The following CREBRF variants were observed in gnomAD, a reference collection of about 807,000 sequenced individuals.
CREBRF encodes the protein UPF0474 protein C5orf41.
A neutral mutation model predicts 66.1 loss-of-function variants in CREBRF; 5 were observed. The observed-to-expected ratio is 0.08, with a 90% confidence interval of 0.04 to 0.16. The LOEUF (loss-of-function observed/expected upper bound fraction) is 0.16, where lower values mean the gene tolerates loss of function less well. Among genes scored for constraint, CREBRF ranks in the 10% least tolerant of loss-of-function variants. The pLI, the probability that CREBRF is intolerant of heterozygous loss-of-function variation, is 1.00. For synonymous variants in CREBRF, 229 were observed against 264.4 expected (o/e 0.87, Z 1.30); for missense variants, 531 against 744.9 (o/e 0.71, Z 3.34).
chr5:173,095,549 G>A (rs993950150), intron 4 of CREBRF, among the ~76,000 whole-genome samples: 3 of 151,994 alleles, frequency 2.0e-5, no homozygotes, highest in Admixed American at 1.3e-4. Flanking sequence ...CTCCAGTTTT[G>A]TTTTTCTTAC....
intron 1 of CREBRF, among the ~76,000 whole-genome samples, chr5:173,079,726 T>A (rs1251474947): frequency 1.3e-5 from 2 of 152,214 alleles, no homozygotes; most frequent in African/African-American, 4.8e-5. Context: ...TTCTTCATTT[T>A]AAACAAATTT....
chr5:173,104,193 A>C (rs796593372), intron 4 of CREBRF, among the ~76,000 whole-genome samples: 8 of 152,350 alleles, frequency 5.3e-5, no homozygotes, highest in African/African-American at 1.9e-4. Context: ...TGATTTGGCA[A>C]GAGAGATATG....
intron 4 of CREBRF, among the ~76,000 whole-genome samples, chr5:173,102,255 T>G (rs1758646169): frequency 6.6e-6 from 1 of 152,230 alleles, no homozygotes. Flanking sequence ...ATTTTCTTCC[T>G]TTGCTAGTGT....
intron 8 of CREBRF, among the ~76,000 whole-genome samples, chr5:173,132,359 T>C (rs1759450470): frequency 6.7e-6 from 1 of 148,962 alleles, no homozygotes; most frequent in African/African-American, 2.5e-5. Context: ...AGCGTTGGTA[T>C]TACAGGCGTG....
At chr5:173,112,448 G>A (rs1758893686) in intron 7 of CREBRF, 69 bp downstream of exon 7, 1 of 1,145,282 alleles carries the variant, frequency 8.7e-7, no homozygotes, top group East Asian at 2.5e-5. Flanking sequence ...CTTTTCTTTG[G>A]TTTGTGATTT....
intron 1 of CREBRF, among the ~76,000 whole-genome samples, chr5:173,060,065 T>C (rs1757220833): frequency 6.6e-6 from 1 of 152,166 alleles, no homozygotes; most frequent in South Asian, 2.1e-4. Flanking sequence ...TGGTGGTGGT[T>C]AAATACAAGT....
chr5:173,133,875 A>G lies in CREBRF; in HGVS notation c.*130A>G. 1 of 535,182 alleles carries G rather than the reference A, an allele frequency of 1.9e-6. No homozygotes were observed. The highest frequency in any genetic ancestry group is 2.6e-5 in the South Asian group (1 of 38,140). The allele number at this position is 535,182 out of a possible 1,614,324, so 33.2% of individuals were successfully genotyped here. On this transcript the variant is annotated 3_prime_UTR_variant, in exon 9 of 9. Coordinates refer to ENST00000296953, the MANE Select transcript of CREBRF (RefSeq NM_153607.3). ...ACAATTAGGTTACATTGTTTTAAGA[A>G]CTAAGTAGCATAAGTGAAGCATGAT...
intron 4 of CREBRF, among the ~76,000 whole-genome samples, chr5:173,097,205 GA>G (rs1364528206): frequency 6.6e-6 from 1 of 152,140 alleles, no homozygotes; most frequent in Non-Finnish European, 1.5e-5. Context: ...ATATTTGGTA[GA>G]ATTTACTAGT....
At chr5:173,088,255 CTTTTTTTTTTTT>C (rs536962764) in intron 3 of CREBRF, among the ~76,000 whole-genome samples, 3 of 66,864 alleles carry the variant, frequency 4.5e-5, no homozygotes, top group East Asian at 5.2e-4. Context: ...CAAATACATT[CTTTTTTTTTTTT>C]TTTTTTTTTT....
At chr5:173,092,105 A>T in intron 4 of CREBRF, 1 of 807,754 alleles carries the variant, frequency 1.2e-6, no homozygotes, top group Non-Finnish European at 1.5e-6. Context: ...AATAATAAAT[A>T]AAAATATTAC....
At chr5:173,099,638 C>T (rs919905417) in intron 4 of CREBRF, among the ~76,000 whole-genome samples, 3 of 152,078 alleles carry the variant, frequency 2.0e-5, no homozygotes, top group African/African-American at 7.2e-5. Flanking sequence ...CTCTCTTGCT[C>T]TCTTCCTCTG....
chr5:173,120,695 T>C (rs1212981752), intron 7 of CREBRF, among the ~76,000 whole-genome samples: 1 of 126,168 alleles, frequency 7.9e-6, no homozygotes, highest in Non-Finnish European at 1.7e-5. Flanking sequence ...TTTTTTTTTT[T>C]TTTTTTTTTT....
Position 173,129,857 on chromosome 5 carries a change from C to T in CREBRF, c.1805-3773C>T, listed in dbSNP as rs557567880. On this transcript the variant is annotated intron_variant, in intron 8 of 8. Coordinates refer to ENST00000296953, the MANE Select transcript of CREBRF (RefSeq NM_153607.3). ...GTTTTTTGTTTTTGAGACAGAGTCT[C>T]GCTCTGTCGCCCAGACTGGAGTGTA... Among the ~76,000 whole-genome samples the T allele has an allele frequency of 8.6e-5, 13 of 152,036 alleles. No individual in the cohort carries two copies. The East Asian group carries it at 1.2e-3, about 14-fold the overall frequency.
intron 6 of CREBRF, among the ~76,000 whole-genome samples, chr5:173,111,689 T>A (rs1283817101): frequency 6.6e-6 from 1 of 152,228 alleles, no homozygotes; most frequent in Non-Finnish European, 1.5e-5. Context: ...GCCTCCAGTT[T>A]TTGGCAATTT....
intron 1 of CREBRF, among the ~76,000 whole-genome samples, chr5:173,072,722 T>C (rs1378830320): frequency 6.6e-6 from 1 of 151,894 alleles, no homozygotes; most frequent in Non-Finnish European, 1.5e-5. Context: ...AGAATAATTT[T>C]AAAATGGGGC....
chr5:173,112,090 G>A (rs1758883481), intron 6 of CREBRF, among the ~76,000 whole-genome samples: 1 of 152,072 alleles, frequency 6.6e-6, no homozygotes, highest in Non-Finnish European at 1.5e-5. Flanking sequence ...ATTAGAAAAT[G>A]AAAGATGAAA....
At chr5:173,122,964 T>C in intron 7 of CREBRF, 116 bp from the exon 8 acceptor site, 3 of 915,564 alleles carry the variant, frequency 3.3e-6, no homozygotes, top group Non-Finnish European at 1.6e-6. Flanking sequence ...TTCCATGGTG[T>C]ATATGTGCCA....
chr5:173,122,321 G>A (rs113175054), intron 7 of CREBRF, among the ~76,000 whole-genome samples: 3 of 152,184 alleles, frequency 2.0e-5, no homozygotes, highest in Admixed American at 1.3e-4. Context: ...GGCTGGTCTC[G>A]AACTCCTGAC....
rs753152974 is a variant in CREBRF, at chr5:173,091,044, G to A, written c.865G>A (p.Ala289Thr). 43 of 1,613,988 alleles carry A rather than the reference G, an allele frequency of 2.7e-5. No homozygotes were observed. The highest frequency in any genetic ancestry group is 3.1e-5 in the Non-Finnish European group (37 of 1,180,036). Residue 289 changes from alanine to threonine, a missense_variant, in exon 4 of 9, where the codon GCT becomes ACT. By Grantham distance (58) the Ala-to-Thr change is moderately conservative. Around this residue, in one of 5 missense-constraint regions of CREBRF, gnomAD observed 309 missense variants for 341.4 expected, o/e 0.90. Coordinates refer to ENST00000296953, the MANE Select transcript of CREBRF (RefSeq NM_153607.3). ...MEPLQGHATP[A>T]LPFKETQELL... ...GCCTCTTCAAGGTCATGCCACTCCC[G>A]CTTTGCCTTTTAAAGAAACCCAGGA...
Sources: gnomAD v4.1 joint callset for allele counts (sites outside exome capture counted in the v4.1 genomes callset) on GRCh38, gnomAD v4.1.1 for gene constraint, gnomAD v4.1.1 regional missense constraint, MANE v1.5 for transcripts, NCBI Gene and HGNC (gene_info 2026-07-23, HGNC 2026-07-21) for gene names.